Variants in GPHN observed in about 807,000 individuals in gnomAD.
GPHN encodes the protein gephyrin.
Under a neutral mutation model 95.5 loss-of-function variants are expected in GPHN, and 17 were observed. The ratio of observed to expected loss-of-function variants is 0.18; its 90% CI spans 0.12 to 0.27. The LOEUF is 0.27. Ranked by LOEUF, GPHN falls within the 10% of genes least tolerant of loss-of-function variation. The probability of loss-of-function intolerance (pLI) is 1.00; values close to 1 mark genes in which losing one functional copy is unlikely to be tolerated. For missense variants in GPHN, 660 were observed against 978.1 expected, an observed-to-expected ratio of 0.67 and a Z score of 4.34; for synonymous variants, 320 against 322.5, an observed-to-expected ratio of 0.99 and a Z score of 0.08.
At chr14:67,172,796 C>T in intron 21 of GPHN, among the ~76,000 whole-genome samples, 1 of 152,294 alleles carries the variant, frequency 6.6e-6, no homozygotes, top group East Asian at 1.9e-4. Context: ...CTCCACCAGT[C>T]TGGATTACTT....
chr14:67,067,687 C>A (rs1043523501), intron 11 of GPHN, among the ~76,000 whole-genome samples: 1 of 152,168 alleles, frequency 6.6e-6, no homozygotes, highest in Non-Finnish European at 1.5e-5. Context: ...CGCCAGGCTG[C>A]AGCCTGGCAG....
At chr14:67,525,657 T>TA in the GPHN span, among the ~76,000 whole-genome samples, 1 of 152,358 alleles carries the variant, frequency 6.6e-6, no homozygotes, top group Admixed American at 6.5e-5. Context: ...CTTCCCTCTA[T>TA]AAATGGCTTC....
chr14:66,705,494 T>A (rs997986746), intron 2 of GPHN, among the ~76,000 whole-genome samples: 4 of 152,226 alleles, frequency 2.6e-5, no homozygotes, highest in Admixed American at 2.6e-4. Flanking sequence ...ATCCCTGGGA[T>A]GCAAGGCTGG....
intron 13 of GPHN, among the ~76,000 whole-genome samples, chr14:67,107,766 C>CAA (rs1436585070): frequency 6.6e-6 from 1 of 152,110 alleles, no homozygotes; most frequent in Admixed American, 6.5e-5. Flanking sequence ...GGCCAAGGAT[C>CAA]AACACAGAAA....
chr14:67,150,440 C>CAA (rs1416536191), intron 18 of GPHN, among the ~76,000 whole-genome samples: 88 of 16,656 alleles, frequency 5.3e-3, no homozygotes, highest in East Asian at 0.014. Flanking sequence ...GACTCCGTCT[C>CAA]AAAAAAAAAA....
At chr14:67,563,983 G>A in the GPHN span, among the ~76,000 whole-genome samples, 1 of 149,944 alleles carries the variant, frequency 6.7e-6, no homozygotes, top group East Asian at 2.0e-4. Flanking sequence ...CTCACTGGAA[G>A]CTCTGCCTCC....
At chr14:67,583,824 G>A in the GPHN span, 10 of 1,613,264 alleles carry the variant, frequency 6.2e-6, no homozygotes, top group Non-Finnish European at 8.5e-6. Context: ...TTCTCCAGCA[G>A]GTCCTAGACA....
At chr14:66,910,349 T>C (rs1325982891) in intron 5 of GPHN, among the ~76,000 whole-genome samples, 4 of 151,972 alleles carry the variant, frequency 2.6e-5, no homozygotes, top group Non-Finnish European at 4.4e-5. Context: ...TTATTGTAGT[T>C]GCTTTATATC....
rs1595241496 is a variant in GPHN, at chr14:67,122,315, T to C, written c.1686T>C (p.Thr562=). 1 of 1,613,230 alleles carries C rather than the reference T, an allele frequency of 6.2e-7. No homozygotes were observed. The highest frequency in any genetic ancestry group is 1.7e-5 in the Admixed American group (1 of 60,020). The part of the protein sequence containing the change: ...PGKIRDSNRS[T]LLATIQEHGY... The stretch of plus-strand genomic sequence containing the variant: ...AGATTCGAGACAGCAATCGTTCAAC[T>C]CTTCTAGCAACAATTCAGGAACATG... Residue 562 remains threonine (T), a synonymous_variant, in exon 17 of 23, where the codon ACT becomes ACC. Coordinates refer to ENST00000478722, the MANE Select transcript of GPHN (RefSeq NM_020806.5).
At chr14:67,123,807 C>T (rs2079141898) in intron 17 of GPHN, among the ~76,000 whole-genome samples, 2 of 151,760 alleles carry the variant, frequency 1.3e-5, no homozygotes, top group Admixed American at 6.6e-5. Flanking sequence ...GATTTTTTTG[C>T]GATTTTTTTT....
chr14:67,141,513 G>A (rs1279863585), intron 17 of GPHN, among the ~76,000 whole-genome samples: 1 of 152,122 alleles, frequency 6.6e-6, no homozygotes, highest in East Asian at 1.9e-4. Context: ...ACTATTCCAA[G>A]TGTTTTATAT....
chr14:67,306,912 T>C, the GPHN span, among the ~76,000 whole-genome samples: 5 of 152,216 alleles, frequency 3.3e-5, no homozygotes, highest in Admixed American at 3.3e-4. Flanking sequence ...TCAGCATCTG[T>C]TGATAGCAGC....
intron 3 of GPHN, among the ~76,000 whole-genome samples, chr14:66,807,865 T>C (rs1377224721): frequency 6.6e-6 from 1 of 152,244 alleles, no homozygotes. Context: ...AGTGCACATA[T>C]GTATGCATTC....
intron 1 of GPHN, among the ~76,000 whole-genome samples, chr14:66,575,484 G>C (rs1281905494): frequency 2.0e-5 from 3 of 152,202 alleles, no homozygotes; most frequent in Non-Finnish European, 4.4e-5. Flanking sequence ...TATTTTGCCA[G>C]TTTTTACAGA....
chr14:67,359,437 C>CT, the GPHN span, among the ~76,000 whole-genome samples: 8 of 152,212 alleles, frequency 5.3e-5, no homozygotes, highest in Non-Finnish European at 8.8e-5. Context: ...GGCCGGGCGC[C>CT]TTTTCCTACC....
intron 2 of GPHN, among the ~76,000 whole-genome samples, chr14:66,755,269 TA>T (rs2058517623): frequency 6.6e-6 from 1 of 152,162 alleles, no homozygotes; most frequent in African/African-American, 2.4e-5. Context: ...AGCTTGACTT[TA>T]CTGACTATGT....
intron 11 of GPHN, among the ~76,000 whole-genome samples, chr14:67,073,019 C>T (rs905511084): frequency 2.6e-5 from 4 of 151,882 alleles, no homozygotes; most frequent in African/African-American, 9.7e-5. Context: ...TTTCATCATG[C>T]ATTTTATTTT....
the GPHN span, among the ~76,000 whole-genome samples, chr14:67,263,815 ACCT>A: frequency 6.7e-6 from 1 of 150,338 alleles, no homozygotes; most frequent in Non-Finnish European, 1.5e-5. Flanking sequence ...TTCTACTGTG[ACCT>A]CCTCCATCAC....
chr14:66,680,752 T>C (rs2066887736), intron 1 of GPHN, among the ~76,000 whole-genome samples: 2 of 152,180 alleles, frequency 1.3e-5, no homozygotes, highest in Admixed American at 6.5e-5. Flanking sequence ...TTTTGTAGTT[T>C]GTCTCTTTTT....
Sources: allele counts gnomAD v4.1 joint callset (sites outside exome capture counted in the v4.1 genomes callset), GRCh38; gene constraint gnomAD v4.1.1; transcripts MANE v1.5; gene names NCBI Gene and HGNC (gene_info 2026-07-23, HGNC 2026-07-21).